IARS1: variants seen among roughly 807,000 people sequenced by gnomAD.
The protein encoded by IARS1 is isoleucyl-tRNA synthetase 1, also known as isoleucine--tRNA ligase, cytoplasmic.
A neutral mutation model predicts 168.2 loss-of-function variants in IARS1; 124 were observed. The observed-to-expected ratio is 0.74, with a 90% CI of 0.64 to 0.86. The LOEUF (loss-of-function observed/expected upper bound fraction) is 0.86. Among genes scored for constraint, IARS1 ranks in the 40% least tolerant of loss-of-function variants. The probability of loss-of-function intolerance (pLI) is 0.00; values close to 1 mark genes in which losing one functional copy is unlikely to be tolerated. For missense variants in IARS1, 1,452 were observed against 1,515.8 expected (o/e 0.96, Z 0.70); for synonymous variants, 532 against 529.4 (o/e 1.00, Z -0.07).
Position 92,278,256 on chromosome 9 carries a change from A to G in IARS1, c.776T>C (p.Met259Thr), listed in dbSNP as rs766021998. 6.2e-7 allele frequency: 1 copy of G among 1,612,760 alleles called. No individual in the cohort carries two copies. The highest frequency in any genetic ancestry group is 8.5e-7 in the Non-Finnish European group (1 of 1,178,712). The change falls in exon 8 of 34, where the codon ATG becomes ACG. Residue 259 changes from methionine (M) to threonine (T), a missense_variant. Coordinates refer to ENST00000443024, the MANE Select transcript of IARS1 (RefSeq NM_002161.6). The part of the protein sequence containing the change: ...DVARGRLLIL[M>T]EARLSALYKL... Reference sequence around the variant, plus strand: ...ATAGAGGGCTGACAATCTGGCTTCCATTAAAATGAGTAATCGTCCTCTGGC... The same window carrying G: ...ATAGAGGGCTGACAATCTGGCTTCCGTTAAAATGAGTAATCGTCCTCTGGC...
At chr9:92,215,834 T>C (rs1437811872) in intron 33 of IARS1, among the ~76,000 whole-genome samples, 7 of 152,046 alleles carry the variant, frequency 4.6e-5, no homozygotes, top group Admixed American at 1.3e-4. Context: ...TGGAACCAAG[T>C]TGGAAAACAC....
chr9:92,244,580 C>T (rs1322064637), intron 27 of IARS1, among the ~76,000 whole-genome samples: 1 of 152,096 alleles, frequency 6.6e-6, no homozygotes. Flanking sequence ...TTTCACCCTA[C>T]ACCTATTTTT....
At chr9:92,240,127 G>A (rs991761055) in intron 30 of IARS1, among the ~76,000 whole-genome samples, 1 of 152,108 alleles carries the variant, frequency 6.6e-6, no homozygotes, top group Non-Finnish European at 1.5e-5. Flanking sequence ...ACATCTTTGA[G>A]AGTCTTCTTA....
At chr9:92,239,794 T>C (rs1380437670) in intron 30 of IARS1, among the ~76,000 whole-genome samples, 2 of 152,138 alleles carry the variant, frequency 1.3e-5, no homozygotes, top group Non-Finnish European at 2.9e-5. Flanking sequence ...GGTCTTCAGC[T>C]TGGCAAGGGT....
intron 9 of IARS1, among the ~76,000 whole-genome samples, 153 bp downstream of exon 9, chr9:92,277,710 C>T (rs1833965456): frequency 6.6e-6 from 1 of 151,566 alleles, no homozygotes; most frequent in African/African-American, 2.4e-5. Flanking sequence ...GACAAGAAAG[C>T]TACACAAACA....
At chr9:92,251,931 G>T in intron 21 of IARS1, 46 bp from the exon 22 acceptor site, 1 of 1,308,326 alleles carries the variant, frequency 7.6e-7, no homozygotes, top group Non-Finnish European at 1.1e-6. Context: ...TTAAATAAGT[G>T]TTTATCATTA....
At chr9:92,264,066 G>A (rs1831922091) in intron 16 of IARS1, among the ~76,000 whole-genome samples, 1 of 152,136 alleles carries the variant, frequency 6.6e-6, no homozygotes, top group Non-Finnish European at 1.5e-5. Flanking sequence ...TGGGCGCAAT[G>A]GCTCACGCCT....
intron 30 of IARS1, among the ~76,000 whole-genome samples, chr9:92,229,388 C>CACAT (rs547012999): frequency 9.3e-5 from 14 of 150,686 alleles, no homozygotes; most frequent in African/African-American, 3.2e-4. Context: ...CACACACACA[C>CACAT]ATCTCCATCC....
At position 92,265,564 on chromosome 9, in the gene IARS1, C is replaced by T; in HGVS notation, c.1432-11G>A. On this transcript the variant is annotated splice_polypyrimidine_tract_variant and intron_variant, in intron 14 of 33. Coordinates refer to ENST00000443024, the MANE Select transcript of IARS1 (RefSeq NM_002161.6). ...CCCAATGCATACCACCTGTCAAAAA[C>T]AAAGTTCAATAGCAGGAGCTCCTTA... The T allele has an allele frequency of 6.2e-7, 1 of 1,612,268 alleles. No individual in the cohort carries two copies. The highest frequency in any genetic ancestry group is 1.3e-5 in the African/African-American group (1 of 75,026).
At chr9:92,221,584 C>T (rs1839669052) in intron 33 of IARS1, among the ~76,000 whole-genome samples, 1 of 152,134 alleles carries the variant, frequency 6.6e-6, no homozygotes, top group Admixed American at 6.5e-5. Flanking sequence ...GTGAGGATGT[C>T]AACAGAGAAG....
At chr9:92,238,203 A>T (rs1031058040) in intron 30 of IARS1, among the ~76,000 whole-genome samples, 2 of 151,982 alleles carry the variant, frequency 1.3e-5, no homozygotes, top group Non-Finnish European at 2.9e-5. Flanking sequence ...TGTGCCTGGC[A>T]TATTTGTTCT....
intron 31 of IARS1, among the ~76,000 whole-genome samples, chr9:92,228,172 C>A (rs1826063861): frequency 6.6e-6 from 1 of 152,144 alleles, no homozygotes; most frequent in African/African-American, 2.4e-5. Flanking sequence ...TGACAACAGT[C>A]ATACTGGATT....
At chr9:92,218,259 T>A (rs1264911535) in intron 33 of IARS1, among the ~76,000 whole-genome samples, 39 of 141,152 alleles carry the variant, frequency 2.8e-4, no homozygotes, top group Non-Finnish European at 4.9e-4. Context: ...AAATTAGGTA[T>A]TGATGGGACA....
intron 30 of IARS1, 44 bp from the exon 31 acceptor site, chr9:92,229,170 TAAAAAG>T (rs1056939898): frequency 1.9e-6 from 3 of 1,590,062 alleles, no homozygotes; most frequent in Non-Finnish European, 2.6e-6. Context: ...CAAATAAAAC[TAAAAAG>T]AAAATGTTAC....
At chr9:92,263,135 A>T (rs1831770729) in intron 16 of IARS1, 80 bp from the exon 17 acceptor site, 1 of 992,958 alleles carries the variant, frequency 1.0e-6, no homozygotes, top group Non-Finnish European at 1.5e-6. Context: ...TATTCATTGA[A>T]TTTCTATTTT....
intron 26 of IARS1, among the ~76,000 whole-genome samples, chr9:92,245,351 C>G (rs142897192): frequency 1.9e-4 from 29 of 152,244 alleles, no homozygotes; most frequent in African/African-American, 6.7e-4. Context: ...TAAGGGAAGG[C>G]ACCAAGAGGC....
At chr9:92,263,157 A>G (rs778569800) in intron 16 of IARS1, 102 bp from the exon 17 acceptor site, 1 of 770,282 alleles carries the variant, frequency 1.3e-6, no homozygotes, top group Non-Finnish European at 2.2e-6. Flanking sequence ...GATAAGTCAC[A>G]CTTCTTGAGA....
At chr9:92,282,430 T>G (rs1031446387) in intron 6 of IARS1, among the ~76,000 whole-genome samples, 3 of 152,114 alleles carry the variant, frequency 2.0e-5, no homozygotes, top group African/African-American at 7.2e-5. Context: ...GTTTCCTGAA[T>G]AGCTGGGACT....
At chr9:92,260,648 CTG>C (rs1159715261) in intron 17 of IARS1, among the ~76,000 whole-genome samples, 1 of 152,136 alleles carries the variant, frequency 6.6e-6, no homozygotes, top group East Asian at 1.9e-4. Context: ...GAGCAAGACT[CTG>C]TCTCAAAAAA....
Sources: allele counts gnomAD v4.1 joint callset (sites outside exome capture counted in the v4.1 genomes callset), GRCh38; gene constraint gnomAD v4.1.1; transcripts MANE v1.5; gene names NCBI Gene and HGNC (gene_info 2026-07-23, HGNC 2026-07-21).